The following TRMT13 variants were observed in gnomAD, a reference collection of about 807,000 sequenced individuals.
The protein encoded by TRMT13 is tRNA:m(4)X modification enzyme TRM13 homolog.
Under a neutral mutation model 55.9 loss-of-function variants are expected in TRMT13, and 45 were observed. The observed-to-expected ratio is 0.80, with a 90% confidence interval of 0.63 to 1.03. The LOEUF (loss-of-function observed/expected upper bound fraction) is 1.03, where lower values mean the gene tolerates loss of function less well. Among genes scored for constraint, TRMT13 ranks in the 50% least tolerant of loss-of-function variants. The pLI, the probability that TRMT13 is intolerant of heterozygous loss-of-function variation, is 0.00. For synonymous variants in TRMT13, 183 were observed against 196.3 expected, an observed-to-expected ratio of 0.93 and a Z score of 0.57; for missense variants, 513 against 563.9, an observed-to-expected ratio of 0.91 and a Z score of 0.91.
At chr1:100,135,961 C>T (rs1308111091) in intron 1 of TRMT13, among the ~76,000 whole-genome samples, 2 of 152,116 alleles carry the variant, frequency 1.3e-5, no homozygotes, top group Non-Finnish European at 2.9e-5. Flanking sequence ...TTACAATTGC[C>T]TACAGTATTT....
Position 100,139,716 on chromosome 1 carries a change from G to T in TRMT13, c.324+5G>T. 1 of 1,469,914 alleles carries T rather than the reference G, an allele frequency of 6.8e-7. No homozygotes were observed. Among genetic ancestry groups the T allele is most frequent in the Non-Finnish European group, 9.4e-7 (1 of 1,058,334 alleles). The allele number at this position is 1,469,914 out of a possible 1,614,324, so 91.1% of individuals were successfully genotyped here. A position where few individuals can be genotyped will look rare whatever the true frequency, so the allele number is the denominator to read the frequency against. On this transcript the variant is annotated splice_donor_5th_base_variant and intron_variant, in intron 4 of 10. Coordinates refer to ENST00000370141, the MANE Select transcript of TRMT13 (RefSeq NM_019083.3). ...ACAGAAATACCTGAACAATTAGTAA[G>T]TACATTGACTTAATATTTAATTTTA...
In TRMT13 at chr1:100,143,141, A is replaced by C. The variant is rs777022281; in HGVS notation, c.674A>C (p.Asp225Ala). ...AATAATGTTCTGTTTGTGCAGGTGG[A>C]TGGAAAACACAGAAAGAAAAATTCA... ...VEKVTTRFKV[D>A]GKHRKKNSVF... The change falls in exon 8 of 11, where the codon GAT becomes GCT. Residue 225 changes from aspartate (D) to alanine (A), a missense_variant. Asp to Ala is a moderately radical substitution (Grantham distance 126). Transcript: ENST00000370141. The C allele has an allele frequency of 6.2e-7, 1 of 1,605,516 alleles. No homozygotes were observed. Among genetic ancestry groups the C allele is most frequent in the Non-Finnish European group, 8.5e-7 (1 of 1,173,686 alleles).
At chr1:100,137,336 T>C (rs933112877) in intron 3 of TRMT13, among the ~76,000 whole-genome samples, 1 of 152,058 alleles carries the variant, frequency 6.6e-6, no homozygotes, top group Admixed American at 6.6e-5. Context: ...GCTGGGACTG[T>C]AGGCAAACGA....
intron 9 of TRMT13, among the ~76,000 whole-genome samples, chr1:100,147,595 G>T (rs1392896342): frequency 6.6e-6 from 1 of 152,190 alleles, no homozygotes; most frequent in African/African-American, 2.4e-5. Context: ...GGTAGGAAAA[G>T]TGAGAGACAA....
Position 100,144,097 on chromosome 1 carries a change from A to G in TRMT13, c.771A>G (p.Lys257=). Residue 257 remains lysine, a synonymous_variant, in exon 9 of 11, where the codon AAA becomes AAG. Transcript: ENST00000370141. ...LNKIPVLREE[K]LPVVGIGKHL... ...AGATTCCTGTGCTAAGAGAAGAAAAACTACCTGTGGTAGGAATTGGAAAGC... is the reference window on the plus strand; with the variant it reads ...AGATTCCTGTGCTAAGAGAAGAAAAGCTACCTGTGGTAGGAATTGGAAAGC... 1 of 1,613,424 alleles carries G rather than the reference A, an allele frequency of 6.2e-7. No individual in the cohort carries two copies. Among genetic ancestry groups the G allele is most frequent in the Non-Finnish European group, 8.5e-7 (1 of 1,179,490 alleles).
At chr1:100,142,552 A>G (rs904044758) in intron 7 of TRMT13, among the ~76,000 whole-genome samples, 9 of 152,180 alleles carry the variant, frequency 5.9e-5, no homozygotes, top group African/African-American at 2.2e-4. Flanking sequence ...TTAGGTGACT[A>G]AGTGGTGTTC....
At position 100,144,121 on chromosome 1, in the gene TRMT13, G is replaced by T; in HGVS notation, c.795G>T (p.Lys265Asn). Residue 265 changes from lysine to asparagine, a missense_variant, in exon 9 of 11, where the codon AAG becomes AAT. Physicochemically the swap from Lys to Asn is moderately conservative, Grantham distance 94. Around this residue, in one of 3 missense-constraint regions of TRMT13, gnomAD observed 209 missense variants for 255.8 expected, o/e 0.82. Coordinates refer to ENST00000370141, the MANE Select transcript of TRMT13 (RefSeq NM_019083.3). ...AACTACCTGTGGTAGGAATTGGAAA[G>T]CATCTGTGTGGTATGGCAACAGGTA... ...EEKLPVVGIG[K>N]HLCGMATDLA... 1.2e-6 allele frequency: 2 copies of T among 1,613,434 alleles called. No individual in the cohort carries two copies. The highest frequency in any genetic ancestry group is 1.7e-6 in the Non-Finnish European group (2 of 1,179,494).
At chr1:100,134,412 A>G (rs895747074) in intron 1 of TRMT13, among the ~76,000 whole-genome samples, 1 of 152,168 alleles carries the variant, frequency 6.6e-6, no homozygotes, top group East Asian at 1.9e-4. Flanking sequence ...TATTATTTGC[A>G]TTATTTTATT....
In TRMT13 at chr1:100,136,881, G is replaced by T; in HGVS notation, c.148-1G>T. On this transcript the variant is annotated splice_acceptor_variant, in intron 1 of 10. Transcript: ENST00000370141. LOFTEE classifies it high-confidence loss of function. ...AATAAATGTATCTCTTAATTTATTA[G>T]GAAGAAGATGCTCGGAAAAGAATCC... The T allele has an allele frequency of 6.3e-7, 1 of 1,592,986 alleles. No individual in the cohort carries two copies. The highest frequency in any genetic ancestry group is 1.2e-5 in the South Asian group (1 of 86,038).
Position 100,148,226 on chromosome 1 carries a change from A to G in TRMT13, c.1150A>G (p.Asn384Asp), listed in dbSNP as rs1171615110. Residue 384 changes from asparagine (N) to aspartate (D), a missense_variant, in exon 10 of 11, where the codon AAT becomes GAT. Physicochemically the swap from Asn to Asp is conservative, Grantham distance 23. This residue lies in a region of TRMT13 where 209 missense variants were observed against 255.8 expected (regional missense o/e 0.82). Transcript: ENST00000370141. Reference protein sequence around the residue: ...GMRKTSLETSNSTTKRQDNQN... With the variant: ...GMRKTSLETSDSTTKRQDNQN... ...GCGGAAAACATCTTTGGAAACCTCA[A>G]ATAGTACCACAAAGAGGCAAGATAA... The G allele has an allele frequency of 5.0e-6, 8 of 1,614,064 alleles. No individual in the cohort carries two copies. Among genetic ancestry groups the G allele is most frequent in the South Asian group, 2.2e-5 (2 of 91,092 alleles).
At chr1:100,146,798 C>G (rs1170054020) in intron 9 of TRMT13, among the ~76,000 whole-genome samples, 1 of 152,198 alleles carries the variant, frequency 6.6e-6, no homozygotes, top group Non-Finnish European at 1.5e-5. Flanking sequence ...TAACTTAATT[C>G]TTTTAATAAT....
intron 1 of TRMT13, among the ~76,000 whole-genome samples, chr1:100,133,871 C>T (rs1655409022): frequency 6.6e-6 from 1 of 152,006 alleles, no homozygotes; most frequent in South Asian, 2.1e-4. Flanking sequence ...CATGATGAAA[C>T]CCTCTCTCTA....
intron 7 of TRMT13, among the ~76,000 whole-genome samples, chr1:100,142,554 G>A (rs1046999548): frequency 6.6e-6 from 1 of 152,168 alleles, no homozygotes; most frequent in South Asian, 2.1e-4. Flanking sequence ...AGGTGACTAA[G>A]TGGTGTTCTT....
At position 100,133,176 on chromosome 1, in the gene TRMT13, C is replaced by T. The variant is rs762069273; in HGVS notation, c.8C>T (p.Thr3Ile). The change falls in exon 1 of 11, where the codon ACC becomes ATC. Residue 3 changes from threonine to isoleucine, a missense_variant. Physicochemically the swap from Thr to Ile is moderately conservative, Grantham distance 89. This residue lies in a region of TRMT13 where 298 missense variants were observed against 290.3 expected (regional missense o/e 1.03). Coordinates refer to ENST00000370141, the MANE Select transcript of TRMT13 (RefSeq NM_019083.3). Reference sequence around the variant, plus strand: ...GAAGCGAGCCCTAGAATTATGGCGACCTCCGCGACGTCGCCGCACGCGCCT... The same window carrying T: ...GAAGCGAGCCCTAGAATTATGGCGATCTCCGCGACGTCGCCGCACGCGCCT... MA[T>I]SATSPHAPGF... The T allele has an allele frequency of 5.0e-6, 8 of 1,614,170 alleles. No individual in the cohort carries two copies. Among genetic ancestry groups the T allele is most frequent in the Non-Finnish European group, 5.9e-6 (7 of 1,180,032 alleles).
At position 100,140,985 on chromosome 1, in the gene TRMT13, T is replaced by A; in HGVS notation, c.635T>A (p.Phe212Tyr). ...TTAAAAGATGCTGAAAAAGTTCACTTCATCCTAGTGGAAAAGGTGACCACA... is the reference window on the plus strand; with the variant it reads ...TTAAAAGATGCTGAAAAAGTTCACTACATCCTAGTGGAAAAGGTGACCACA... Reference protein sequence around the residue: ...IALKDAEKVHFILVEKVTTRF... With the variant: ...IALKDAEKVHYILVEKVTTRF... The change falls in exon 7 of 11, where the codon TTC (phenylalanine) becomes TAC (tyrosine). Residue 212 changes from phenylalanine (F) to tyrosine (Y), a missense_variant. Phe to Tyr is a conservative substitution (Grantham distance 22). This residue lies in a region of TRMT13 where 298 missense variants were observed against 290.3 expected (regional missense o/e 1.03). Transcript: ENST00000370141. 1 of 1,613,382 alleles carries A rather than the reference T, an allele frequency of 6.2e-7. No individual in the cohort carries two copies. Among genetic ancestry groups the A allele is most frequent in the African/African-American group, 1.3e-5 (1 of 75,048 alleles).
rs1019563967 is a variant in TRMT13, at chr1:100,146,705, C to T, written c.818-1189C>T. 2.0e-5 allele frequency among the ~76,000 whole-genome samples: 3 copies of T among 152,134 alleles called. No homozygotes were observed. The South Asian group carries it at 6.2e-4, about 31-fold the overall frequency. ...ATTTTTAGTAGAGACGGGATTTCAC[C>T]GTGTTAGCCAGGAAGGTCTCCATCT... On this transcript the variant is annotated intron_variant, in intron 9 of 10. Transcript: ENST00000370141.
intron 9 of TRMT13, among the ~76,000 whole-genome samples, chr1:100,146,478 G>A (rs1440800419): frequency 2.0e-5 from 3 of 151,986 alleles, no homozygotes; most frequent in African/African-American, 7.2e-5. Flanking sequence ...AATTGCTAAA[G>A]CTCCTTCTAA....
Position 100,140,854 on chromosome 1 carries a change from T to A in TRMT13, c.504T>A (p.Ala168=), listed in dbSNP as rs1418460101. ...DSATKHLKQQ[A]SILGNIENLK... ...AAATAATCTTGTGAAGTTTGCAGGC[T>A]TCTATTTTAGGTAACATTGAAAATT... Residue 168 remains alanine (A), a splice_region_variant and synonymous_variant, in exon 7 of 11, where the codon GCT becomes GCA. Transcript: ENST00000370141. 8.7e-6 allele frequency: 14 copies of A among 1,611,058 alleles called. No homozygotes were observed. The highest frequency in any genetic ancestry group is 1.3e-5 in the African/African-American group (1 of 74,690).
chr1:100,140,117 A>G (rs530467600), intron 4 of TRMT13, 65 bp from the exon 5 acceptor site: 2 of 1,042,498 alleles, frequency 1.9e-6, no homozygotes, highest in South Asian at 2.9e-5. Context: ...ACCTCTACTC[A>G]GTCTCTGTTA....
Sources: gnomAD v4.1 joint callset for allele counts (sites outside exome capture counted in the v4.1 genomes callset) on GRCh38, gnomAD v4.1.1 for gene constraint, gnomAD v4.1.1 regional missense constraint, MANE v1.5 for transcripts, NCBI Gene and HGNC (gene_info 2026-07-23, HGNC 2026-07-21) for gene names.